Variants in C13orf42 observed in about 807,000 individuals in gnomAD.
The protein encoded by C13orf42 is chromosome 13 open reading frame 42, also known as uncharacterized protein C13orf42.
intron 1 of C13orf42, among the ~76,000 whole-genome samples, chr13:51,092,430 C>T (rs1308074418): frequency 6.6e-6 from 1 of 152,028 alleles, no homozygotes; most frequent in Non-Finnish European, 1.5e-5. Flanking sequence ...TCTAAAATTT[C>T]CGGATTTGGT....
intron 1 of C13orf42, among the ~76,000 whole-genome samples, chr13:51,167,252 C>T (rs963440313): frequency 6.6e-6 from 1 of 152,160 alleles, no homozygotes; most frequent in Non-Finnish European, 1.5e-5. Context: ...CACACACACA[C>T]ACTCAAACAC....
At chr13:51,128,327 T>A (rs1014630425) in intron 1 of C13orf42, among the ~76,000 whole-genome samples, 7 of 152,220 alleles carry the variant, frequency 4.6e-5, no homozygotes, top group Admixed American at 1.3e-4. Context: ...TCTCTTGGGA[T>A]CTGGATTGAG....
At chr13:51,161,317 G>A (rs1953862626) in intron 1 of C13orf42, among the ~76,000 whole-genome samples, 1 of 151,870 alleles carries the variant, frequency 6.6e-6, no homozygotes, top group Non-Finnish European at 1.5e-5. Flanking sequence ...ATGCATGGAT[G>A]TATGAGCCTC....
At chr13:51,107,804 G>A (rs6561613) in intron 1 of C13orf42, among the ~76,000 whole-genome samples, 7,815 of 152,294 alleles carry the variant, frequency 0.051, 380 homozygotes, top group African/African-American at 0.13. Flanking sequence ...CAGTCCACCA[G>A]GGGAGACGCA....
At chr13:51,165,202 G>T (rs897025590) in intron 1 of C13orf42, among the ~76,000 whole-genome samples, 1 of 152,188 alleles carries the variant, frequency 6.6e-6, no homozygotes, top group East Asian at 1.9e-4. Context: ...TGGCTGAGCT[G>T]CCTTATGCTG....
intron 2 of C13orf42, 121 bp from the exon 3 acceptor site, chr13:51,085,680 C>A (rs757802005): frequency 7.6e-6 from 3 of 396,798 alleles, no homozygotes; most frequent in Non-Finnish European, 1.3e-5. Context: ...AACCATGTTC[C>A]TAATAGCCAA....
At chr13:51,125,374 C>G (rs543780853) in intron 1 of C13orf42, among the ~76,000 whole-genome samples, 3 of 152,286 alleles carry the variant, frequency 2.0e-5, no homozygotes, top group Non-Finnish European at 2.9e-5. Context: ...TACTTCACAT[C>G]AAATATTGGT....
intron 1 of C13orf42, chr13:51,162,022 T>C: frequency 1.5e-5 from 6 of 397,864 alleles, no homozygotes; most frequent in Non-Finnish European, 2.5e-5. Context: ...GAAGCCTGCA[T>C]GCCAGCAGCA....
chr13:51,171,305 T>C (rs1566145618), intron 1 of C13orf42, among the ~76,000 whole-genome samples: 1 of 152,146 alleles, frequency 6.6e-6, no homozygotes, highest in Non-Finnish European at 1.5e-5. Flanking sequence ...CTTTGAATTT[T>C]TCCATCCTGC....
At chr13:51,107,302 T>C (rs1953368621) in intron 1 of C13orf42, among the ~76,000 whole-genome samples, 1 of 152,222 alleles carries the variant, frequency 6.6e-6, no homozygotes, top group Non-Finnish European at 1.5e-5. Context: ...TACTGTGTCA[T>C]GACAATTTTT....
chr13:51,140,489 C>T (rs1005085478), intron 1 of C13orf42, among the ~76,000 whole-genome samples: 19 of 152,018 alleles, frequency 1.2e-4, no homozygotes, highest in African/African-American at 4.6e-4. Flanking sequence ...ATGGAGATGC[C>T]CCTGACCTTT....
intron 1 of C13orf42, among the ~76,000 whole-genome samples, chr13:51,161,561 C>CA (rs1249916218): frequency 1.3e-5 from 2 of 152,160 alleles, no homozygotes; most frequent in Non-Finnish European, 2.9e-5. Flanking sequence ...GACCAGGTGT[C>CA]AGACAATTCA....
chr13:51,132,838 A>T (rs1362173376), intron 1 of C13orf42, among the ~76,000 whole-genome samples: 1 of 152,170 alleles, frequency 6.6e-6, no homozygotes, highest in Non-Finnish European at 1.5e-5. Context: ...TTGACACAAG[A>T]TACAGGTCAT....
At chr13:51,153,051 T>C (rs146573114) in intron 1 of C13orf42, among the ~76,000 whole-genome samples, 9 of 152,328 alleles carry the variant, frequency 5.9e-5, no homozygotes, top group Non-Finnish European at 1.2e-4. Context: ...ACAGAAGGGA[T>C]TGAGGTTTAG....
At chr13:51,111,383 T>C (rs1953431928), upstream of C13orf42, among the ~76,000 whole-genome samples, 1 of 152,022 alleles carries the variant, frequency 6.6e-6, no homozygotes, top group Non-Finnish European at 1.5e-5. Flanking sequence ...CCTGCACATC[T>C]CCCATGGGGG....
At chr13:51,129,530 T>A (rs926634440) in intron 1 of C13orf42, among the ~76,000 whole-genome samples, 24 of 152,200 alleles carry the variant, frequency 1.6e-4, no homozygotes, top group African/African-American at 5.8e-4. Flanking sequence ...TGATTCAGTG[T>A]CGGCCACAAT....
chr13:51,171,161 A>G (rs756210433), intron 1 of C13orf42, among the ~76,000 whole-genome samples: 19 of 151,834 alleles, frequency 1.3e-4, no homozygotes, highest in Non-Finnish European at 2.4e-4. Context: ...CTCCTCCCTT[A>G]GCCTGTGTTC....
chr13:51,100,163 G>GT (rs1264253585), intron 1 of C13orf42, among the ~76,000 whole-genome samples: 3 of 150,480 alleles, frequency 2.0e-5, no homozygotes, highest in East Asian at 2.0e-4. Flanking sequence ...AAAGGGATTG[G>GT]TTTTTTTTAA....
intron 1 of C13orf42, among the ~76,000 whole-genome samples, chr13:51,097,896 C>G (rs184715554): frequency 6.6e-6 from 1 of 152,288 alleles, no homozygotes; most frequent in East Asian, 1.9e-4. Flanking sequence ...GGAGACAAAG[C>G]TTTCTCTAAG....
Sources: allele counts gnomAD v4.1 joint callset (sites outside exome capture counted in the v4.1 genomes callset), GRCh38; gene constraint gnomAD v4.1.1; transcripts MANE v1.5; gene names NCBI Gene and HGNC (gene_info 2026-07-23, HGNC 2026-07-21).